Variants in NKAIN3 observed in about 807,000 individuals in gnomAD.
NKAIN3 encodes sodium/potassium transporting ATPase interacting 3.
In NKAIN3, 25 loss-of-function variants were observed where a neutral mutation model predicts 30.2. The ratio of observed to expected loss-of-function variants is 0.83; its 90% CI spans 0.60 to 1.16. The LOEUF is 1.16. NKAIN3 is among the 50% of genes most tolerant of loss of function. The pLI is 0.00. For missense variants in NKAIN3, 225 were observed against 254.1 expected (o/e 0.89, Z 0.78); for synonymous variants, 91 against 89.6 (o/e 1.02, Z -0.09).
At position 62,698,625 on chromosome 8, in the gene NKAIN3, A is replaced by G. The variant is rs377026436; in HGVS notation, c.274-48307A>G. 1.6e-4 allele frequency among the ~76,000 whole-genome samples: 24 copies of G among 152,334 alleles called. No homozygotes were observed. In the South Asian group the frequency reaches 3.1e-3, roughly 20 times the overall value. On this transcript the variant is annotated intron_variant, in intron 3 of 6. Coordinates refer to ENST00000623646, the MANE Select transcript of NKAIN3 (RefSeq NM_001304533.3). Reference sequence around the variant, plus strand: ...CGCTACATATACTCTACTGTGTACAACCAAGTGTAGGACCTCATTCTTTTC... The same window carrying G: ...CGCTACATATACTCTACTGTGTACAGCCAAGTGTAGGACCTCATTCTTTTC...
rs1303140481 is a variant in NKAIN3, at chr8:62,975,939, T to C, written c.*10532T>C. On this transcript the variant is annotated 3_prime_UTR_variant, in exon 7 of 7. Transcript: ENST00000623646. Reference sequence around the variant, plus strand: ...TTATTTCTGCTGTGATCTCATTATTTTCCCAGGAGTCATTCAGAAGCAGGT... The same window carrying C: ...TTATTTCTGCTGTGATCTCATTATTCTCCCAGGAGTCATTCAGAAGCAGGT... Among the ~76,000 whole-genome samples the C allele has an allele frequency of 6.6e-6, 1 of 152,242 alleles. No homozygotes were observed. The highest frequency in any genetic ancestry group is 2.4e-5 in the African/African-American group (1 of 41,472).
intron 4 of NKAIN3, among the ~76,000 whole-genome samples, chr8:62,866,323 A>G (rs184714151): frequency 1.2e-3 from 182 of 152,344 alleles, no homozygotes; most frequent in African/African-American, 4.2e-3. Context: ...AGTGGGCAGA[A>G]TTCTCCTCAC....
intron 1 of NKAIN3, among the ~76,000 whole-genome samples, chr8:62,293,159 T>G (rs1445687088): frequency 6.6e-6 from 1 of 152,222 alleles, no homozygotes; most frequent in Non-Finnish European, 1.5e-5. Context: ...TTTTAGCTTC[T>G]TTTCGATGGG....
intron 1 of NKAIN3, among the ~76,000 whole-genome samples, chr8:62,422,098 T>G (rs1804658919): frequency 6.6e-6 from 1 of 152,168 alleles, no homozygotes; most frequent in Admixed American, 6.6e-5. Flanking sequence ...GAAAATAAAC[T>G]AAAATATGTC....
chr8:62,439,907 G>A (rs1805274719), intron 1 of NKAIN3, among the ~76,000 whole-genome samples: 2 of 152,138 alleles, frequency 1.3e-5, no homozygotes, highest in Non-Finnish European at 2.9e-5. Flanking sequence ...ATGGTTTGTT[G>A]TTGCTGTGTT....
intron 3 of NKAIN3, among the ~76,000 whole-genome samples, chr8:62,658,804 T>TA (rs1392198038): frequency 2.0e-5 from 3 of 152,290 alleles, no homozygotes; most frequent in African/African-American, 7.2e-5. Flanking sequence ...TTCTCTTCCT[T>TA]ATGCCTCCAG....
chr8:62,344,365 T>C lies in NKAIN3; in HGVS notation c.54+95238T>C, dbSNP rs541722714. ...ATAGTGCATACTACATTTCCAGATGTCTATGTTTTGAATTATTGTTATCAC... is the reference window on the plus strand; with the variant it reads ...ATAGTGCATACTACATTTCCAGATGCCTATGTTTTGAATTATTGTTATCAC... On this transcript the variant is annotated intron_variant, in intron 1 of 6. Transcript: ENST00000623646. Among the ~76,000 whole-genome samples the C allele has an allele frequency of 4.6e-5, 7 of 152,250 alleles. No individual in the cohort carries two copies. In the South Asian group the frequency reaches 1.2e-3, roughly 27 times the overall value.
intron 3 of NKAIN3, among the ~76,000 whole-genome samples, chr8:62,620,381 C>T (rs1238135748): frequency 6.6e-6 from 1 of 152,124 alleles, no homozygotes; most frequent in African/African-American, 2.4e-5. Context: ...CATTCTGTTT[C>T]TCAAATTCCC....
chr8:62,762,946 G>A (rs550298689), intron 4 of NKAIN3, among the ~76,000 whole-genome samples: 13 of 151,932 alleles, frequency 8.6e-5, no homozygotes, highest in African/African-American at 3.1e-4. Flanking sequence ...TATATAGGCT[G>A]GGCACAGTGG....
chr8:62,644,719 C>A (rs1812404566), intron 3 of NKAIN3, among the ~76,000 whole-genome samples: 1 of 152,078 alleles, frequency 6.6e-6, no homozygotes, highest in South Asian at 2.1e-4. Flanking sequence ...TTTAATAATA[C>A]TTTTGATTTT....
At chr8:62,258,941 A>C (rs536429980) in intron 1 of NKAIN3, among the ~76,000 whole-genome samples, 48 of 152,250 alleles carry the variant, frequency 3.2e-4, no homozygotes, top group African/African-American at 1.2e-3. Flanking sequence ...ATTTGGCCCA[A>C]GGCCTTAATA....
intron 4 of NKAIN3, among the ~76,000 whole-genome samples, chr8:62,872,841 T>C (rs1300039066): frequency 1.3e-5 from 2 of 152,168 alleles, no homozygotes; most frequent in African/African-American, 4.8e-5. Flanking sequence ...CCACCAGGCC[T>C]GCTCTTCAAG....
intron 4 of NKAIN3, among the ~76,000 whole-genome samples, chr8:62,892,144 C>T (rs541268550): frequency 6.6e-6 from 1 of 152,214 alleles, no homozygotes; most frequent in South Asian, 2.1e-4. Flanking sequence ...TTTATACAAC[C>T]ATTTAATTAC....
rs76344887 is a variant in NKAIN3, at chr8:62,311,091, G to A, written c.54+61964G>A. Among the ~76,000 whole-genome samples the A allele has an allele frequency of 2.9e-3, 435 of 150,410 alleles. 44 individuals carry two copies. The highest frequency in any genetic ancestry group is 0.01 in the African/African-American group (405 of 39,850). On this transcript the variant is annotated intron_variant, in intron 1 of 6. Transcript: ENST00000623646. Reference sequence around the variant, plus strand: ...TTCCTGGAGGAATCATTGTTTACATGCAGGCTTTGAAAACTGATTTTTAAA... The same window carrying A: ...TTCCTGGAGGAATCATTGTTTACATACAGGCTTTGAAAACTGATTTTTAAA...
intron 5 of NKAIN3, among the ~76,000 whole-genome samples, chr8:62,996,676 G>T (rs1804121231): frequency 6.6e-6 from 1 of 152,154 alleles, no homozygotes; most frequent in African/African-American, 2.4e-5. Flanking sequence ...ACAATGGGGG[G>T]TACAAGTATT....
At chr8:62,686,887 C>G (rs527789727) in intron 3 of NKAIN3, among the ~76,000 whole-genome samples, 1 of 152,206 alleles carries the variant, frequency 6.6e-6, no homozygotes, top group Admixed American at 6.5e-5. Context: ...CTGCAAGATC[C>G]CTTAGAGATG....
intron 4 of NKAIN3, among the ~76,000 whole-genome samples, chr8:62,915,422 G>T (rs1330673977): frequency 6.6e-6 from 1 of 152,074 alleles, no homozygotes; most frequent in Non-Finnish European, 1.5e-5. Context: ...AAGGAACACA[G>T]GCATCCTCTA....
At chr8:62,856,212 T>G in intron 4 of NKAIN3, 1 of 806,204 alleles carries the variant, frequency 1.2e-6, no homozygotes. Flanking sequence ...AATGTCTGGG[T>G]CTTGGTTTTC....
intron 3 of NKAIN3, among the ~76,000 whole-genome samples, chr8:62,733,250 A>C (rs1039767369): frequency 6.6e-6 from 1 of 152,104 alleles, no homozygotes; most frequent in African/African-American, 2.4e-5. Flanking sequence ...TTTTTGCCTC[A>C]TAAGTTAGGC....
Sources: allele counts gnomAD v4.1 joint callset (sites outside exome capture counted in the v4.1 genomes callset), GRCh38; gene constraint gnomAD v4.1.1; transcripts MANE v1.5; gene names NCBI Gene and HGNC (gene_info 2026-07-23, HGNC 2026-07-21).